MARCHF1: variants seen among roughly 807,000 people sequenced by gnomAD.
MARCHF1 encodes the protein E3 ubiquitin-protein ligase MARCHF1.
Under a neutral mutation model 54.2 loss-of-function variants are expected in MARCHF1, and 40 were observed. The observed-to-expected ratio is 0.74, with a 90% CI of 0.57 to 0.96. The LOEUF (loss-of-function observed/expected upper bound fraction) is 0.96. Among genes scored for constraint, MARCHF1 ranks in the 40% least tolerant of loss-of-function variants. The pLI is 0.00. For synonymous variants in MARCHF1, 236 were observed against 236.3 expected (o/e 1.00, Z 0.01); for missense variants, 586 against 656.5 (o/e 0.89, Z 1.17).
chr4:163,893,672 A>AAT (rs1750714055), intron 3 of MARCHF1, among the ~76,000 whole-genome samples: 1 of 152,236 alleles, frequency 6.6e-6, no homozygotes, highest in South Asian at 2.1e-4. Context: ...TATGTGAGAA[A>AAT]ACATTAAAAA....
chr4:163,802,381 G>A (rs2110977361), intron 4 of MARCHF1, among the ~76,000 whole-genome samples: 1 of 152,074 alleles, frequency 6.6e-6, no homozygotes, highest in East Asian at 1.9e-4. Context: ...AAAGTGATAT[G>A]GTAATAAAAG....
At chr4:164,190,475 G>A (rs1298333426) in intron 1 of MARCHF1, 2 of 313,028 alleles carry the variant, frequency 6.4e-6, no homozygotes, top group Non-Finnish European at 1.2e-5. Context: ...TAGCCCAAGT[G>A]GCTGTTTACG....
chr4:163,916,755 C>T (rs901930991), intron 3 of MARCHF1, among the ~76,000 whole-genome samples: 9 of 152,016 alleles, frequency 5.9e-5, no homozygotes, highest in Admixed American at 4.6e-4. Context: ...CCATATTCTC[C>T]CTACCCCCAC....
At chr4:163,620,606 C>CACAG (rs1282901525) in intron 5 of MARCHF1, among the ~76,000 whole-genome samples, 318 of 56,902 alleles carry the variant, frequency 5.6e-3, no homozygotes, top group East Asian at 0.014. Flanking sequence ...CACACACACA[C>CACAG]AGAGAGAGAG....
intron 8 of MARCHF1, among the ~76,000 whole-genome samples, chr4:163,581,915 G>T (rs1425925220): frequency 6.6e-6 from 1 of 152,058 alleles, no homozygotes; most frequent in Non-Finnish European, 1.5e-5. Context: ...TGAGGCAAGG[G>T]ACAAAAAGAT....
chr4:163,780,761 C>A (rs568602804), intron 4 of MARCHF1, among the ~76,000 whole-genome samples: 2 of 152,170 alleles, frequency 1.3e-5, no homozygotes, highest in Non-Finnish European at 2.9e-5. Context: ...CTTCTAATAG[C>A]AGAACCATCT....
At chr4:164,361,602 G>C (rs1730723944) in intron 1 of MARCHF1, among the ~76,000 whole-genome samples, 1 of 152,180 alleles carries the variant, frequency 6.6e-6, no homozygotes, top group African/African-American at 2.4e-5. Flanking sequence ...AGCTTCGCCT[G>C]TCTCTTACTA....
At chr4:163,843,189 C>A (rs577756188) in intron 4 of MARCHF1, among the ~76,000 whole-genome samples, 1 of 152,212 alleles carries the variant, frequency 6.6e-6, no homozygotes, top group East Asian at 1.9e-4. Flanking sequence ...CTGCAAAGGA[C>A]ATGATTTTAT....
chr4:164,052,144 T>TG (rs1442313241), intron 2 of MARCHF1, among the ~76,000 whole-genome samples: 2 of 55,348 alleles, frequency 3.6e-5, no homozygotes, highest in South Asian at 5.6e-4. Context: ...AGTTTTTTTT[T>TG]TTGTTTTTTT....
chr4:164,154,955 A>C (rs1412731491), intron 1 of MARCHF1, among the ~76,000 whole-genome samples: 2 of 152,136 alleles, frequency 1.3e-5, no homozygotes, highest in Non-Finnish European at 2.9e-5. Context: ...GGAGTGGGAA[A>C]ATGATCTTCC....
At chr4:163,911,032 C>A (rs1307196253) in intron 3 of MARCHF1, among the ~76,000 whole-genome samples, 1 of 152,068 alleles carries the variant, frequency 6.6e-6, no homozygotes, top group Non-Finnish European at 1.5e-5. Flanking sequence ...GTCATTTTCC[C>A]TTACTTCATG....
intron 8 of MARCHF1, among the ~76,000 whole-genome samples, chr4:163,557,229 C>T (rs1402626981): frequency 6.6e-6 from 1 of 152,118 alleles, no homozygotes; most frequent in Admixed American, 6.5e-5. Flanking sequence ...GATGAAATCC[C>T]AAATGTTGAT....
chr4:163,960,885 G>A (rs937815667), intron 3 of MARCHF1, among the ~76,000 whole-genome samples: 7 of 151,126 alleles, frequency 4.6e-5, no homozygotes, highest in Admixed American at 6.6e-5. Context: ...GGGACTAGAC[G>A]TCCAAAATCA....
intron 1 of MARCHF1, among the ~76,000 whole-genome samples, chr4:164,285,467 G>A (rs1297355708): frequency 6.6e-6 from 1 of 151,808 alleles, no homozygotes; most frequent in Middle Eastern, 3.2e-3. Context: ...TTTTGAGACG[G>A]AGTTTCGCTC....
chr4:163,975,192 TCTCTCA>T lies in MARCHF1; in HGVS notation c.-39+13303_-39+13308del, dbSNP rs1451429910. On this transcript the variant is annotated intron_variant, in intron 3 of 9. Coordinates refer to ENST00000514618, the MANE Select transcript of MARCHF1 (RefSeq NM_001394959.1). ...CTCTCTCTCTCTCTCTCTCTCTCTC[TCTCTCA>T]CACACACACACACACACACACACAC... 9.8e-3 allele frequency among the ~76,000 whole-genome samples: 1,021 copies of T among 104,356 alleles called. 1 individual carries two copies. The highest frequency in any genetic ancestry group is 0.031 in the South Asian group (90 of 2,924). The allele number at this position is 104,356 out of a possible 152,430, so 68.5% of individuals were successfully genotyped here. A position where few individuals can be genotyped will look rare whatever the true frequency, so the allele number is the denominator to read the frequency against.
chr4:163,882,845 T>G (rs376726750), intron 3 of MARCHF1, among the ~76,000 whole-genome samples: 1 of 151,950 alleles, frequency 6.6e-6, no homozygotes, highest in Non-Finnish European at 1.5e-5. Context: ...GGTGCACTGG[T>G]GCATGTCTGT....
chr4:163,649,046 A>G (rs184713383), intron 5 of MARCHF1, among the ~76,000 whole-genome samples: 291 of 152,202 alleles, frequency 1.9e-3, no homozygotes, highest in Non-Finnish European at 3.0e-3. Context: ...ATTTGAATGC[A>G]TAGCTTGAGA....
chr4:163,556,015 T>A, intron 8 of MARCHF1: 1 of 455,544 alleles, frequency 2.2e-6, no homozygotes, highest in Non-Finnish European at 4.4e-6. Context: ...AATACCCAAT[T>A]TTACCCCATC....
intron 1 of MARCHF1, among the ~76,000 whole-genome samples, chr4:164,117,858 C>T (rs1370895954): frequency 1.3e-5 from 2 of 151,958 alleles, no homozygotes; most frequent in African/African-American, 2.4e-5. Flanking sequence ...CGAGATCCAC[C>T]ACTGCACTCC....
Sources: gnomAD v4.1 joint callset for allele counts (sites outside exome capture counted in the v4.1 genomes callset) on GRCh38, gnomAD v4.1.1 for gene constraint, MANE v1.5 for transcripts, NCBI Gene and HGNC (gene_info 2026-07-23, HGNC 2026-07-21) for gene names.